ZNF430: variants seen among roughly 807,000 people sequenced by gnomAD.
ZNF430 encodes the protein zinc finger protein 430.
ZNF430 carries 35 observed loss-of-function variants against 56.7 expected under a neutral mutation model. The observed-to-expected ratio is 0.62, with a 90% CI of 0.47 to 0.82. ZNF430 has a LOEUF of 0.82. Ranked by LOEUF, ZNF430 falls within the 40% of genes least tolerant of loss-of-function variation. The probability of loss-of-function intolerance (pLI) is 0.00; values close to 1 mark genes in which losing one functional copy is unlikely to be tolerated. For missense variants in ZNF430, 574 were observed against 661.0 expected (o/e 0.87, Z 1.44); for synonymous variants, 212 against 224.3 (o/e 0.94, Z 0.49).
intron 2 of ZNF430, among the ~76,000 whole-genome samples, chr19:21,025,175 C>T (rs1193480183): frequency 6.6e-6 from 1 of 152,114 alleles, no homozygotes; most frequent in Non-Finnish European, 1.5e-5. Context: ...GCAGAGCAGC[C>T]CTGAGGGCTG....
rs757608276 is a variant in ZNF430 at position 21,057,715 on chromosome 19, C to T, written c.1407C>T (p.Ser469=). Residue 469 remains serine, a synonymous_variant, in exon 5 of 5, where the codon TCC becomes TCT. Coordinates refer to ENST00000261560, the MANE Select transcript of ZNF430 (RefSeq NM_025189.4). ...AATGTGGCAAAGCCTTTAACCGGTC[C>T]CCAAAACTTACTGCACATAAGGTAA... ...CEECGKAFNR[S]PKLTAHKVIH... is the part of the protein sequence containing the mutation. The T allele has an allele frequency of 1.2e-6, 2 of 1,605,158 alleles. No individual in the cohort carries two copies. Among genetic ancestry groups the T allele is most frequent in the South Asian group, 2.2e-5 (2 of 89,474 alleles).
At chr19:21,039,192 G>A (rs551490501) in intron 4 of ZNF430, among the ~76,000 whole-genome samples, 6 of 151,914 alleles carry the variant, frequency 3.9e-5, no homozygotes, top group South Asian at 4.2e-4. Flanking sequence ...CAAGTGATTC[G>A]CCCACACCAG....
Position 21,026,827 on chromosome 19 carries a change from C to CTTTTTTTTTTTTTTTTTTTTTTTTTTTTT in ZNF430, c.96+3969_96+3970insTTTTTTTTTTTTTTTTTTTTTTTTTTTTT, listed in dbSNP as rs747809260. On this transcript the variant is annotated intron_variant, in intron 2 of 4. Transcript: ENST00000261560. ...TTGGATGCCTTTTTTCTTTTCTTTTCTTTTTTTTTTTTTTTTTTTTTTTGA... is the reference window on the plus strand; with the variant it reads ...TTGGATGCCTTTTTTCTTTTCTTTTCTTTTTTTTTTTTTTTTTTTTTTTTTTTTTTTTTTTTTTTTTTTTTTTTTTTTGA... 5.8e-5 allele frequency among the ~76,000 whole-genome samples: 4 copies of CTTTTTTTTTTTTTTTTTTTTTTTTTTTTT among 68,716 alleles called. 1 individual carries two copies. The highest frequency in any genetic ancestry group is 1.0e-4 in the Non-Finnish European group (4 of 39,474). The allele number at this position is 68,716 out of a possible 152,430, so 45.1% of individuals were successfully genotyped here. A position where few individuals can be genotyped will look rare whatever the true frequency, so the allele number is the denominator to read the frequency against.
At chr19:21,050,996 C>T (rs1046861209) in intron 4 of ZNF430, among the ~76,000 whole-genome samples, 2 of 152,030 alleles carry the variant, frequency 1.3e-5, no homozygotes, top group African/African-American at 4.8e-5. Context: ...CCACCTCACT[C>T]CAGCCTGGGC....
At chr19:21,022,146 T>A (rs1967703824) in intron 1 of ZNF430, among the ~76,000 whole-genome samples, 1 of 152,100 alleles carries the variant, frequency 6.6e-6, no homozygotes, top group Non-Finnish European at 1.5e-5. Flanking sequence ...CCACGTTAGA[T>A]CTTTTTAAAA....
At chr19:21,034,939 C>T (rs1967971423) in intron 4 of ZNF430, 2 of 152,128 alleles carry the variant, frequency 1.3e-5, no homozygotes, top group Non-Finnish European at 2.9e-5. Flanking sequence ...CTTTTCTGCA[C>T]ACTCCATTCT....
intron 2 of ZNF430, among the ~76,000 whole-genome samples, chr19:21,029,182 C>T (rs1173559409): frequency 6.6e-6 from 1 of 152,098 alleles, no homozygotes; most frequent in Non-Finnish European, 1.5e-5. Flanking sequence ...AGGAACATGT[C>T]TAGACTAACA....
intron 4 of ZNF430, among the ~76,000 whole-genome samples, chr19:21,048,294 C>A (rs1968219261): frequency 7.3e-6 from 1 of 137,750 alleles, no homozygotes; most frequent in African/African-American, 2.6e-5. Context: ...AACAAGTGAA[C>A]AAGGGTCTCT....
chr19:21,028,725 G>A (rs3937493), intron 2 of ZNF430, among the ~76,000 whole-genome samples: 10,791 of 151,856 alleles, frequency 0.071, 469 homozygotes, highest in Non-Finnish European at 0.086. Context: ...TTGCTCTATC[G>A]CCCAGGCTGG....
At chr19:21,050,266 C>G (rs1375728657) in intron 4 of ZNF430, among the ~76,000 whole-genome samples, 2 of 152,010 alleles carry the variant, frequency 1.3e-5, no homozygotes, top group Non-Finnish European at 2.9e-5. Context: ...CCATATTTTT[C>G]TTTTGTTTTG....
chr19:21,033,713 A>G (rs1967943513), intron 3 of ZNF430, 131 bp downstream of exon 3: 1 of 1,150,502 alleles, frequency 8.7e-7, no homozygotes, highest in Non-Finnish European at 1.2e-6. Flanking sequence ...GAAAACCTTG[A>G]GGATTTTTCC....
At chr19:21,029,222 A>G (rs1433516728) in intron 2 of ZNF430, among the ~76,000 whole-genome samples, 2 of 152,196 alleles carry the variant, frequency 1.3e-5, no homozygotes, top group Non-Finnish European at 2.9e-5. Context: ...TAAGCATTAT[A>G]TGGTTGGTAC....
At chr19:21,021,804 A>C (rs1967691158) in intron 1 of ZNF430, among the ~76,000 whole-genome samples, 1 of 148,498 alleles carries the variant, frequency 6.7e-6, no homozygotes, top group Non-Finnish European at 1.5e-5. Flanking sequence ...TAATTTTCAA[A>C]ACGATGCGCC....
chr19:21,037,820 C>G (rs933312634), intron 4 of ZNF430, among the ~76,000 whole-genome samples: 1 of 152,076 alleles, frequency 6.6e-6, no homozygotes, highest in Non-Finnish European at 1.5e-5. Flanking sequence ...ATGTGTTTCT[C>G]TACAAATTAT....
intron 2 of ZNF430, among the ~76,000 whole-genome samples, chr19:21,032,752 A>G (rs1967926248): frequency 6.6e-6 from 1 of 152,088 alleles, no homozygotes; most frequent in Non-Finnish European, 1.5e-5. Flanking sequence ...GAAGAAAGAA[A>G]TTTAGAAGTT....
rs1428186200 is a variant in ZNF430, at chr19:21,059,547, A to G, written c.*1526A>G. ...AACAAGAGTGAAACTCCATTTCAAA[A>G]AAAAAAAAAAAAAAACAACTAAAGT... On this transcript the variant is annotated 3_prime_UTR_variant, in exon 5 of 5. Coordinates refer to ENST00000261560, the MANE Select transcript of ZNF430 (RefSeq NM_025189.4). 6.7e-6 allele frequency: 1 copy of G among 148,852 alleles called. No individual in the cohort carries two copies. The highest frequency in any genetic ancestry group is 1.5e-5 in the Non-Finnish European group (1 of 66,828). The allele number at this position is 148,852 out of a possible 1,614,324, so 9.2% of individuals were successfully genotyped here. A position where few individuals can be genotyped will look rare whatever the true frequency, so the allele number is the denominator to read the frequency against.
chr19:21,043,259 T>C (rs1455742747), intron 4 of ZNF430, among the ~76,000 whole-genome samples: 2 of 152,196 alleles, frequency 1.3e-5, no homozygotes, highest in Admixed American at 6.5e-5. Context: ...TTTGGTTTCA[T>C]ATTTAAGTCT....
chr19:21,044,201 T>C (rs553542934), intron 4 of ZNF430, among the ~76,000 whole-genome samples: 7 of 152,244 alleles, frequency 4.6e-5, no homozygotes, highest in African/African-American at 1.7e-4. Flanking sequence ...CCTTTCGGTA[T>C]GATACTGGCT....
At chr19:21,025,175 CCTGAGGG>C (rs1467365737) in intron 2 of ZNF430, among the ~76,000 whole-genome samples, 1 of 152,114 alleles carries the variant, frequency 6.6e-6, no homozygotes, top group African/African-American at 2.4e-5. Flanking sequence ...GCAGAGCAGC[CCTGAGGG>C]CTGCTGGTTG....
Sources: allele counts gnomAD v4.1 joint callset (sites outside exome capture counted in the v4.1 genomes callset), GRCh38; gene constraint gnomAD v4.1.1; transcripts MANE v1.5; gene names NCBI Gene and HGNC (gene_info 2026-07-23, HGNC 2026-07-21).